The following NOP9 variants were observed in gnomAD, a reference collection of about 807,000 sequenced individuals.
NOP9 encodes NOP9 nucleolar protein, also known as nucleolar protein 9.
In NOP9, 50 loss-of-function variants were observed where a neutral mutation model predicts 63.0. The ratio of observed to expected loss-of-function variants is 0.79; its 90% CI spans 0.63 to 1.00. The LOEUF is 1.00. NOP9 is among the 50% of genes least tolerant of loss of function. NOP9 has a pLI of 0.00. For synonymous variants in NOP9, 343 were observed against 332.8 expected (o/e 1.03, Z -0.33); for missense variants, 758 against 803.0 (o/e 0.94, Z 0.68).
the NOP9 span, among the ~76,000 whole-genome samples, chr14:24,275,243 A>AT: frequency 6.6e-6 from 1 of 152,214 alleles, no homozygotes; most frequent in East Asian, 1.9e-4. Context: ...TGAAGAAGAG[A>AT]TTTTTACTGC....
At chr14:24,295,214 A>C (rs943256841), upstream of NOP9, among the ~76,000 whole-genome samples, 3 of 152,348 alleles carry the variant, frequency 2.0e-5, no homozygotes, top group African/African-American at 7.2e-5. Flanking sequence ...AATCTGAAAG[A>C]ATATATGCCA....
At chr14:24,276,560 G>A in the NOP9 span, among the ~76,000 whole-genome samples, 1 of 152,112 alleles carries the variant, frequency 6.6e-6, no homozygotes, top group Admixed American at 6.5e-5. Context: ...CAAAGTGCTG[G>A]GACTGCAGGC....
Position 24,307,311 on chromosome 14 carries a change from A to G in NOP9, c.*2216A>G. The G allele has an allele frequency of 6.5e-7, 1 of 1,540,782 alleles. No individual in the cohort carries two copies. Among genetic ancestry groups the G allele is most frequent in the Non-Finnish European group, 8.8e-7 (1 of 1,136,096 alleles). On this transcript the variant is annotated 3_prime_UTR_variant, in exon 10 of 10. Coordinates refer to ENST00000267425, the MANE Select transcript of NOP9 (RefSeq NM_174913.3). Reference sequence around the variant, plus strand: ...CTCTGCTCCATCATCACAAGTTGCCACTGTTGTGGAGCCCCTTGGCTACCC... The same window carrying G: ...CTCTGCTCCATCATCACAAGTTGCCGCTGTTGTGGAGCCCCTTGGCTACCC...
At chr14:24,272,901 GA>G in the NOP9 span, among the ~76,000 whole-genome samples, 3 of 151,352 alleles carry the variant, frequency 2.0e-5, no homozygotes, top group African/African-American at 4.9e-5. Context: ...ACAGTACAAA[GA>G]AAAAAAAATG....
At chr14:24,292,350 A>G in the NOP9 span, 1 of 1,613,340 alleles carries the variant, frequency 6.2e-7, no homozygotes, top group Non-Finnish European at 8.5e-7. Flanking sequence ...GGCGGAAGGC[A>G]GGGTAAGAGC....
At chr14:24,275,664 TG>T in the NOP9 span, among the ~76,000 whole-genome samples, 1 of 152,146 alleles carries the variant, frequency 6.6e-6, no homozygotes, top group South Asian at 2.1e-4. Context: ...CCACGAGCCC[TG>T]GGTCAGGGCC....
the NOP9 span, chr14:24,291,520 T>C: frequency 6.2e-7 from 1 of 1,608,266 alleles, no homozygotes; most frequent in Non-Finnish European, 8.5e-7. Context: ...ACATCCTCCA[T>C]GCCCTTTCTT....
Position 24,305,403 on chromosome 14 carries a change from T to G in NOP9, c.*308T>G. 1.7e-6 allele frequency: 1 copy of G among 595,900 alleles called. No individual in the cohort carries two copies. The highest frequency in any genetic ancestry group is 2.8e-6 in the Non-Finnish European group (1 of 360,138). The allele number at this position is 595,900 out of a possible 1,614,324, so 36.9% of individuals were successfully genotyped here. On this transcript the variant is annotated 3_prime_UTR_variant, in exon 10 of 10. Transcript: ENST00000267425. ...CTTGATCTTGGCCTTTCAGGGCAAG[T>G]GGGAGGCCAGAAAGGTGGCTAGGAA...
the NOP9 span, chr14:24,291,623 G>C: frequency 6.2e-7 from 1 of 1,614,176 alleles, no homozygotes; most frequent in South Asian, 1.1e-5. Context: ...AGGCTGATTT[G>C]AACTGAAACA....
chr14:24,279,311 G>C, the NOP9 span, among the ~76,000 whole-genome samples: 1 of 152,210 alleles, frequency 6.6e-6, no homozygotes, highest in Non-Finnish European at 1.5e-5. Context: ...TTGGACACTT[G>C]GTTTGAATGC....
At chr14:24,290,661 A>T in the NOP9 span, 1 of 584,418 alleles carries the variant, frequency 1.7e-6, no homozygotes, top group Admixed American at 3.3e-5. Flanking sequence ...GCAAAAAGTA[A>T]AAAGAAGGAC....
the NOP9 span, among the ~76,000 whole-genome samples, chr14:24,280,537 G>T: frequency 6.6e-6 from 1 of 152,198 alleles, no homozygotes; most frequent in Non-Finnish European, 1.5e-5. Flanking sequence ...ACCTAGCAAG[G>T]TGCCTGCACC....
rs897793055 is a variant in NOP9, at chr14:24,307,391, G to A, written c.*2296G>A. 5.0e-6 allele frequency: 8 copies of A among 1,613,778 alleles called. No homozygotes were observed. The highest frequency in any genetic ancestry group is 2.7e-5 in the African/African-American group (2 of 75,044). ...CTTACTTTGGCTAGCAGCTCCTGGC[G>A]GGTGGCAGCTGTCAGGCCTTTCCGG... is the stretch of plus-strand genomic sequence containing the variant. On this transcript the variant is annotated 3_prime_UTR_variant, in exon 10 of 10. Transcript: ENST00000267425.
chr14:24,303,903 CCTCCCAGGGTTTAG>C, intron 7 of NOP9, 46 bp downstream of exon 7: 1 of 1,605,792 alleles, frequency 6.2e-7, no homozygotes, highest in East Asian at 2.2e-5. Flanking sequence ...GGGAGTCAGG[CCTCCCAGGGTTTAG>C]CAAGCGTCTG....
Position 24,301,698 on chromosome 14 carries a change from T to C in NOP9, c.784T>C (p.Ser262Pro). Reference protein sequence around the residue: ...TFLNRLQDLSSSFLKDIAVFI... With the variant: ...TFLNRLQDLSPSFLKDIAVFI... ...TTTGAATCGCCTTCAGGACCTGAGC[T>C]CCTCCTTTCTGAAGGACATTGCAGG... Residue 262 changes from serine (S) to proline (P), a missense_variant, in exon 3 of 10, where the codon TCC (serine) becomes CCC (proline). Coordinates refer to ENST00000267425, the MANE Select transcript of NOP9 (RefSeq NM_174913.3). 1 of 1,614,100 alleles carries C rather than the reference T, an allele frequency of 6.2e-7. No individual in the cohort carries two copies. Among genetic ancestry groups the C allele is most frequent in the Non-Finnish European group, 8.5e-7 (1 of 1,180,022 alleles).
chr14:24,286,637 G>A, the NOP9 span, among the ~76,000 whole-genome samples: 1 of 151,982 alleles, frequency 6.6e-6, no homozygotes, highest in Non-Finnish European at 1.5e-5. Context: ...CTGTCGCCCA[G>A]GCTGGAGTGC....
upstream of NOP9, chr14:24,299,048 CCAATACCCCTG>C: frequency 6.2e-7 from 1 of 1,614,104 alleles, no homozygotes; most frequent in South Asian, 1.1e-5. Context: ...AATGCCACGG[CCAATACCCCTG>C]GAGGCACCAG....
At chr14:24,281,251 G>T in the NOP9 span, among the ~76,000 whole-genome samples, 3 of 152,196 alleles carry the variant, frequency 2.0e-5, no homozygotes, top group East Asian at 5.8e-4. Flanking sequence ...GCCAAGGACC[G>T]ATGGATAGCA....
At position 24,305,808 on chromosome 14, in the gene NOP9, T is replaced by C. The variant is rs780568524; in HGVS notation, c.*713T>C. 1.9e-5 allele frequency: 31 copies of C among 1,605,398 alleles called. 2 individuals carry two copies. In the South Asian group the frequency reaches 3.1e-4, roughly 16 times the overall value. On this transcript the variant is annotated 3_prime_UTR_variant, in exon 10 of 10. Coordinates refer to ENST00000267425, the MANE Select transcript of NOP9 (RefSeq NM_174913.3). ...GAGGAAATCAGATGATTTGGAAAAC[T>C]TGGGAGGAAGCCATCAAGCTGGGAG...
Sources: gnomAD v4.1 joint callset for allele counts (sites outside exome capture counted in the v4.1 genomes callset) on GRCh38, gnomAD v4.1.1 for gene constraint, MANE v1.5 for transcripts, NCBI Gene and HGNC (gene_info 2026-07-23, HGNC 2026-07-21) for gene names.